ASTN2: variants seen among roughly 807,000 people sequenced by gnomAD.
The protein encoded by ASTN2 is astrotactin 2.
ASTN2 carries 54 observed loss-of-function variants against 139.8 expected under a neutral mutation model. The ratio of observed to expected loss-of-function variants is 0.39; its 90% CI spans 0.31 to 0.48. The LOEUF (loss-of-function observed/expected upper bound fraction) is 0.48, where lower values mean the gene tolerates loss of function less well. ASTN2 is among the 20% of genes least tolerant of loss of function. The probability of loss-of-function intolerance (pLI) is 0.95; values close to 1 mark genes in which losing one functional copy is unlikely to be tolerated. For synonymous variants in ASTN2, 756 were observed against 719.5 expected (o/e 1.05, Z -0.81); for missense variants, 1,565 against 1,725.1 (o/e 0.91, Z 1.64).
At chr9:116,936,569 A>G (rs545796941) in intron 10 of ASTN2, among the ~76,000 whole-genome samples, 2 of 152,304 alleles carry the variant, frequency 1.3e-5, no homozygotes, top group East Asian at 3.9e-4. Flanking sequence ...TGGACACTTT[A>G]TTAGATTGCT....
Position 116,983,298 on chromosome 9 carries a change from G to A in ASTN2, c.1592-6513C>T, listed in dbSNP as rs571161272. ...ACGTAGTGGGAAAAGTATGGGTTGG[G>A]CATAACATTATGAGAGCCTGCTTTG... On this transcript the variant is annotated intron_variant, in intron 7 of 22. Transcript: ENST00000313400. Among the ~76,000 whole-genome samples, 113 of 152,256 alleles carry A rather than the reference G, an allele frequency of 7.4e-4. 3 individuals carry two copies. In the South Asian group the frequency reaches 0.022, roughly 30 times the overall value.
chr9:117,204,745 C>T (rs1337545589), intron 3 of ASTN2, among the ~76,000 whole-genome samples: 6 of 152,164 alleles, frequency 3.9e-5, no homozygotes, highest in African/African-American at 1.4e-4. Flanking sequence ...GGAAGACTGG[C>T]TGTTAAAAAA....
intron 10 of ASTN2, among the ~76,000 whole-genome samples, chr9:116,903,601 G>A (rs1834076517): frequency 6.6e-6 from 1 of 152,194 alleles, no homozygotes; most frequent in East Asian, 1.9e-4. Context: ...ACATATCCTG[G>A]CCTGGGTGCT....
chr9:117,323,387 C>T (rs541162109), intron 1 of ASTN2, among the ~76,000 whole-genome samples: 1 of 148,030 alleles, frequency 6.8e-6, no homozygotes, highest in South Asian at 2.2e-4. Flanking sequence ...TTGATCCTAA[C>T]TGCATTTACC....
At chr9:116,543,188 T>C (rs946180671) in intron 19 of ASTN2, among the ~76,000 whole-genome samples, 3 of 151,146 alleles carry the variant, frequency 2.0e-5, no homozygotes, top group South Asian at 4.2e-4. Context: ...ATAGAGATTA[T>C]AGCATAAGGG....
rs1035453206 is a variant in ASTN2 at position 116,805,691 on chromosome 9, A to G, written c.2337T>C (p.His779=). Residue 779 remains histidine, a synonymous_variant, in exon 13 of 23, where the codon CAT becomes CAC. Transcript: ENST00000313400. ...CATGCTGGGTCCGGTTGTTGTAACC[A>G]TGTAGCATCTCTCCAAAGAGGGTAT... The part of the protein sequence containing the change: ...FNDTLFGEML[H]GYNNRTQHVN... 12 of 1,613,860 alleles carry G rather than the reference A, an allele frequency of 7.4e-6. No individual in the cohort carries two copies. The African/African-American group carries it at 1.5e-4, about 20-fold the overall frequency.
chr9:117,047,620 A>T (rs377188632), intron 5 of ASTN2, among the ~76,000 whole-genome samples: 272 of 152,296 alleles, frequency 1.8e-3, no homozygotes, highest in African/African-American at 6.1e-3. Context: ...CTATGAGTGA[A>T]CTTCTGCTGT....
Position 117,060,398 on chromosome 9 carries a change from GAAAGAAAGAAAGAAGGA to G in ASTN2, c.1277-20450_1277-20434del, listed in dbSNP as rs1564406387. Among the ~76,000 whole-genome samples the G allele has an allele frequency of 1.0e-3, 79 of 75,842 alleles. 4 individuals are homozygous for G. Among genetic ancestry groups the G allele is most frequent in the African/African-American group, 3.9e-3 (57 of 14,762 alleles). 49.8% of individuals were successfully genotyped at this position (75,842 alleles called of 152,430 possible). A position where few individuals can be genotyped will look rare whatever the true frequency, so the allele number is the denominator to read the frequency against. ...AGAAAGAAAGAAAGAAAGAAAGAAA[GAAAGAAAGAAAGAAGGA>G]AAGGAAGGAAGGAAGGAAGAGAGAG... On this transcript the variant is annotated intron_variant, in intron 5 of 22. Coordinates refer to ENST00000313400, the MANE Select transcript of ASTN2 (RefSeq NM_001365068.1).
chr9:116,884,539 T>C (rs550457067), intron 10 of ASTN2, among the ~76,000 whole-genome samples: 44 of 152,200 alleles, frequency 2.9e-4, no homozygotes, highest in African/African-American at 9.4e-4. Flanking sequence ...CAGCCCATGG[T>C]ATTCCTCTTT....
chr9:116,911,203 G>C (rs1834300409), intron 10 of ASTN2, among the ~76,000 whole-genome samples: 1 of 152,166 alleles, frequency 6.6e-6, no homozygotes, highest in South Asian at 2.1e-4. Context: ...TGCATGCCCA[G>C]GATAAGAGCT....
intron 17 of ASTN2, among the ~76,000 whole-genome samples, chr9:116,639,103 C>A (rs1459104116): frequency 2.0e-5 from 3 of 152,126 alleles, no homozygotes; most frequent in Admixed American, 6.6e-5. Context: ...ATTCTCTCTA[C>A]CTTTGTGTAT....
intron 10 of ASTN2, among the ~76,000 whole-genome samples, chr9:116,943,238 G>T (rs1835289208): frequency 6.6e-6 from 1 of 152,182 alleles, no homozygotes; most frequent in Non-Finnish European, 1.5e-5. Flanking sequence ...AGGGGAATGA[G>T]TGAAGAAACC....
At chr9:116,637,356 C>T (rs1857124395) in intron 17 of ASTN2, among the ~76,000 whole-genome samples, 1 of 152,164 alleles carries the variant, frequency 6.6e-6, no homozygotes, top group African/African-American at 2.4e-5. Flanking sequence ...GGCAGTGTTG[C>T]TAAGCACCTT....
chr9:117,174,287 A>G (rs990268787), intron 3 of ASTN2, among the ~76,000 whole-genome samples: 4 of 151,988 alleles, frequency 2.6e-5, no homozygotes. Flanking sequence ...ACAACACAAG[A>G]CAATATGTCT....
intron 2 of ASTN2, among the ~76,000 whole-genome samples, chr9:117,246,143 A>C (rs1833376213): frequency 1.4e-5 from 2 of 139,858 alleles, no homozygotes; most frequent in Non-Finnish European, 3.2e-5. Context: ...AATTGAAAAC[A>C]AACAAAAAAA....
intron 7 of ASTN2, among the ~76,000 whole-genome samples, chr9:116,994,758 T>C (rs1402053480): frequency 6.6e-6 from 1 of 152,226 alleles, no homozygotes; most frequent in African/African-American, 2.4e-5. Flanking sequence ...AGTTCTATTA[T>C]CTTCCACCCC....
intron 10 of ASTN2, among the ~76,000 whole-genome samples, chr9:116,892,729 G>C (rs1037567423): frequency 1.3e-5 from 2 of 152,132 alleles, no homozygotes; most frequent in Non-Finnish European, 2.9e-5. Flanking sequence ...TTTGATCCAA[G>C]CATGAATGCT....
At chr9:117,041,083 G>T (rs1439517050) in intron 5 of ASTN2, among the ~76,000 whole-genome samples, 6 of 152,118 alleles carry the variant, frequency 3.9e-5, no homozygotes, top group African/African-American at 1.4e-4. Context: ...GAAAATTAAA[G>T]ACAATTTTAT....
At chr9:117,040,657 C>T (rs1838536506) in intron 5 of ASTN2, among the ~76,000 whole-genome samples, 2 of 152,106 alleles carry the variant, frequency 1.3e-5, no homozygotes, top group Non-Finnish European at 2.9e-5. Flanking sequence ...CGGGTTTTCA[C>T]CATGTTGGCC....
Sources: gnomAD v4.1 joint callset for allele counts (sites outside exome capture counted in the v4.1 genomes callset) on GRCh38, gnomAD v4.1.1 for gene constraint, MANE v1.5 for transcripts, NCBI Gene and HGNC (gene_info 2026-07-23, HGNC 2026-07-21) for gene names.